VPS41: variants seen among roughly 807,000 people sequenced by gnomAD.
The protein encoded by VPS41 is VPS41 subunit of HOPS complex.
VPS41 carries 85 observed loss-of-function variants against 130.9 expected under a neutral mutation model. The ratio of observed to expected loss-of-function variants is 0.65; its 90% CI spans 0.55 to 0.78. The LOEUF (loss-of-function observed/expected upper bound fraction) is 0.78. VPS41 is among the 30% of genes least tolerant of loss of function. The pLI, the probability that VPS41 is intolerant of heterozygous loss-of-function variation, is 0.00. For synonymous variants in VPS41, 335 were observed against 332.9 expected, an observed-to-expected ratio of 1.01 and a Z score of -0.07; for missense variants, 874 against 1,018.7, an observed-to-expected ratio of 0.86 and a Z score of 1.93.
chr7:38,853,195 GGATCACAA>G (rs1183581672), intron 4 of VPS41, among the ~76,000 whole-genome samples: 1 of 151,996 alleles, frequency 6.6e-6, no homozygotes, highest in African/African-American at 2.4e-5. Context: ...CGAGGTGGGC[GGATCACAA>G]GATCAGGAGA....
chr7:38,814,890 T>C (rs4720306), intron 7 of VPS41, among the ~76,000 whole-genome samples: 85,301 of 151,880 alleles, frequency 0.56, 24,629 homozygotes, highest in East Asian at 0.89. Context: ...GATTTATCAA[T>C]ATTTTAAGTG....
At chr7:38,828,089 A>T (rs1785315020) in intron 5 of VPS41, among the ~76,000 whole-genome samples, 1 of 152,202 alleles carries the variant, frequency 6.6e-6, no homozygotes, top group South Asian at 2.1e-4. Flanking sequence ...AGGGAGCAAC[A>T]TCTCCAAAAT....
At chr7:38,829,634 C>T (rs1376925298) in intron 5 of VPS41, among the ~76,000 whole-genome samples, 3 of 152,178 alleles carry the variant, frequency 2.0e-5, no homozygotes, top group Non-Finnish European at 1.5e-5. Flanking sequence ...AATGTCACAG[C>T]TCAACATCAG....
chr7:38,724,762 T>C lies in VPS41; in HGVS notation c.*1484A>G, dbSNP rs925799239. On this transcript the variant is annotated 3_prime_UTR_variant, in exon 29 of 29. Coordinates refer to ENST00000310301, the MANE Select transcript of VPS41 (RefSeq NM_014396.4). ...GCATGTACCACCACGCCTGGCTAAT[T>C]TGTGTTTTTAGTAGAGATGGGGTTT... is the stretch of plus-strand genomic sequence containing the variant. The C allele has an allele frequency of 1.3e-5, 2 of 152,336 alleles. No individual in the cohort carries two copies. Among genetic ancestry groups the C allele is most frequent in the African/African-American group, 4.8e-5 (2 of 41,398 alleles). 9.4% of individuals were successfully genotyped at this position (152,336 alleles called of 1,614,324 possible). A position where few individuals can be genotyped will look rare whatever the true frequency, so the allele number is the denominator to read the frequency against.
At chr7:38,869,051 A>G in intron 3 of VPS41, 95 bp downstream of exon 3, 1 of 925,592 alleles carries the variant, frequency 1.1e-6, no homozygotes, top group Non-Finnish European at 1.6e-6. Context: ...GAATCACTGT[A>G]AAAAGCCACC....
chr7:38,738,951 C>T lies in VPS41; in HGVS notation c.2259+3034G>A, dbSNP rs11973230. ...AACCTTCGGTTGAAGAGAGCTGTTA[C>T]ATTTTAGAAAACGTGAAACTAAAAG... On this transcript the variant is annotated intron_variant, in intron 25 of 28. Coordinates refer to ENST00000310301, the MANE Select transcript of VPS41 (RefSeq NM_014396.4). Among the ~76,000 whole-genome samples, 1,045 of 152,310 alleles carry T rather than the reference C, an allele frequency of 6.9e-3. 11 individuals carry two copies. The highest frequency in any genetic ancestry group is 0.023 in the African/African-American group (959 of 41,578).
chr7:38,849,111 C>A (rs1785791645), intron 4 of VPS41, among the ~76,000 whole-genome samples: 1 of 152,032 alleles, frequency 6.6e-6, no homozygotes, highest in South Asian at 2.1e-4. Context: ...TTTAGAAGGA[C>A]ATACAAAGAA....
intron 7 of VPS41, among the ~76,000 whole-genome samples, chr7:38,807,167 A>C (rs1428163279): frequency 2.0e-5 from 3 of 152,196 alleles, no homozygotes; most frequent in Admixed American, 2.0e-4. Flanking sequence ...CATCCAATCT[A>C]GAGCAAAGCC....
Position 38,909,175 on chromosome 7 carries a change from G to A in VPS41, c.-1C>T. On this transcript the variant is annotated 5_prime_UTR_variant, in exon 1 of 29. Transcript: ENST00000310301. The stretch of plus-strand genomic sequence containing the variant: ...TTACCTGCTCCTCTGCTTCCGCCAT[G>A]GCGCCACGGGAGAGTCACCTGACAG... 1.2e-6 allele frequency: 2 copies of A among 1,614,198 alleles called. No homozygotes were observed. The highest frequency in any genetic ancestry group is 8.5e-7 in the Non-Finnish European group (1 of 1,180,028).
At chr7:38,817,781 A>T (rs1264475859) in intron 7 of VPS41, 36 bp downstream of exon 7, 2 of 1,560,108 alleles carry the variant, frequency 1.3e-6, no homozygotes, top group Non-Finnish European at 1.8e-6. Context: ...ACACCCCTCA[A>T]GGCTACATAT....
intron 7 of VPS41, among the ~76,000 whole-genome samples, chr7:38,810,583 C>G (rs547070659): frequency 1.3e-4 from 20 of 152,174 alleles, no homozygotes; most frequent in South Asian, 4.2e-4. Flanking sequence ...CCACTTTAAC[C>G]CATTGTTTGT....
chr7:38,822,665 A>G (rs1461095086), intron 5 of VPS41, among the ~76,000 whole-genome samples: 2 of 152,230 alleles, frequency 1.3e-5, no homozygotes, highest in Non-Finnish European at 2.9e-5. Flanking sequence ...GTGGACTTAT[A>G]TACATATTCA....
chr7:38,775,253 T>C (rs2115861816), intron 11 of VPS41: 1 of 152,308 alleles, frequency 6.6e-6, no homozygotes, highest in East Asian at 1.9e-4. Flanking sequence ...AGGTGTACTT[T>C]AATGTTCTAT....
intron 7 of VPS41, among the ~76,000 whole-genome samples, chr7:38,803,563 T>C (rs373333015): frequency 1.3e-5 from 2 of 152,082 alleles, no homozygotes; most frequent in Non-Finnish European, 2.9e-5. Flanking sequence ...AAATAGAGAA[T>C]AGTAAAACCC....
At chr7:38,765,312 A>G (rs1227849931) in intron 16 of VPS41, among the ~76,000 whole-genome samples, 1 of 152,164 alleles carries the variant, frequency 6.6e-6, no homozygotes, top group East Asian at 1.9e-4. Flanking sequence ...AAAAGTCATT[A>G]AAAAGAGCAT....
chr7:38,761,307 G>A (rs57091471), intron 17 of VPS41, among the ~76,000 whole-genome samples: 30,947 of 117,804 alleles, frequency 0.26, 4,325 homozygotes, highest in East Asian at 0.49. Context: ...GTGGTGTTTC[G>A]CTCTGTCGCC....
intron 17 of VPS41, 81 bp downstream of exon 17, chr7:38,763,374 T>C: frequency 3.2e-6 from 3 of 935,070 alleles, no homozygotes; most frequent in South Asian, 2.2e-5. Flanking sequence ...TTTACAGGCA[T>C]TGCTCCATTG....
intron 2 of VPS41, among the ~76,000 whole-genome samples, chr7:38,875,213 G>C (rs996348513): frequency 6.6e-6 from 1 of 152,032 alleles, no homozygotes; most frequent in African/African-American, 2.4e-5. Flanking sequence ...ACATACACAG[G>C]AGCTACATAT....
intron 1 of VPS41, 134 bp downstream of exon 1, chr7:38,909,020 C>CCCCCCCCCTCCCCCGA: frequency 9.1e-7 from 1 of 1,100,104 alleles, no homozygotes; most frequent in Non-Finnish European, 1.4e-6. Context: ...CGCCATCCCA[C>CCCCCCCCCTCCCCCGA]CCCGCCCTGC....
Sources: allele counts gnomAD v4.1 joint callset (sites outside exome capture counted in the v4.1 genomes callset), GRCh38; gene constraint gnomAD v4.1.1; transcripts MANE v1.5; gene names NCBI Gene and HGNC (gene_info 2026-07-23, HGNC 2026-07-21).